The following KCND2 variants were observed in gnomAD, a reference collection of about 807,000 sequenced individuals.
The protein encoded by KCND2 is potassium voltage-gated channel subfamily D member 2, also known as A-type voltage-gated potassium channel KCND2.
A neutral mutation model predicts 54.4 loss-of-function variants in KCND2; 16 were observed. The ratio of observed to expected loss-of-function variants is 0.29; its 90% CI spans 0.20 to 0.45. The LOEUF (loss-of-function observed/expected upper bound fraction) is 0.45, where lower values mean the gene tolerates loss of function less well. Among genes scored for constraint, KCND2 ranks in the 20% least tolerant of loss-of-function variants. KCND2 has a pLI of 1.00. For synonymous variants in KCND2, 317 were observed against 310.7 expected (o/e 1.02, Z -0.21); for missense variants, 486 against 824.2 (o/e 0.59, Z 5.02).
At chr7:120,296,750 A>C (rs1483753524) in intron 1 of KCND2, among the ~76,000 whole-genome samples, 1 of 152,108 alleles carries the variant, frequency 6.6e-6, no homozygotes, top group Non-Finnish European at 1.5e-5. Flanking sequence ...CATTTGAAAT[A>C]GTCATTGGAT....
At chr7:120,517,145 A>G (rs1240348950) in intron 1 of KCND2, among the ~76,000 whole-genome samples, 2 of 152,082 alleles carry the variant, frequency 1.3e-5, no homozygotes, top group African/African-American at 4.8e-5. Context: ...CTCATTGTAC[A>G]TTTAAAAAGC....
chr7:120,325,847 G>T (rs1799966587), intron 1 of KCND2, among the ~76,000 whole-genome samples: 1 of 152,062 alleles, frequency 6.6e-6, no homozygotes, highest in Non-Finnish European at 1.5e-5. Flanking sequence ...GCTATGTGGG[G>T]TCAAACTTGG....
chr7:120,568,224 G>A (rs1385827356), intron 1 of KCND2, among the ~76,000 whole-genome samples: 1 of 152,052 alleles, frequency 6.6e-6, no homozygotes, highest in East Asian at 1.9e-4. Context: ...CATGAAGACT[G>A]CTGTATATTA....
intron 1 of KCND2, among the ~76,000 whole-genome samples, chr7:120,499,460 CTG>C (rs1376851181): frequency 6.6e-6 from 1 of 152,092 alleles, no homozygotes; most frequent in African/African-American, 2.4e-5. Flanking sequence ...ATTTTGTGCA[CTG>C]TGTTTGGGAT....
chr7:120,488,200 A>G (rs1335061044), intron 1 of KCND2, among the ~76,000 whole-genome samples: 1 of 152,180 alleles, frequency 6.6e-6, no homozygotes, highest in East Asian at 1.9e-4. Flanking sequence ...GTCTCAAAAA[A>G]TGAAGTTATT....
intron 1 of KCND2, among the ~76,000 whole-genome samples, chr7:120,328,917 C>T (rs1311185583): frequency 2.6e-5 from 4 of 152,068 alleles, no homozygotes; most frequent in Non-Finnish European, 4.4e-5. Flanking sequence ...ATGTTTTTAT[C>T]TCTCTAAAGT....
chr7:120,646,243 T>C (rs921832133), intron 1 of KCND2, among the ~76,000 whole-genome samples: 6 of 152,190 alleles, frequency 3.9e-5, no homozygotes, highest in Non-Finnish European at 8.8e-5. Context: ...TGAAAAACAT[T>C]CATCTCTGCA....
intron 1 of KCND2, among the ~76,000 whole-genome samples, chr7:120,646,698 G>A (rs1010470919): frequency 1.6e-4 from 24 of 152,222 alleles, no homozygotes; most frequent in Non-Finnish European, 2.9e-5. Flanking sequence ...TTAAAAAACT[G>A]TAAAGTAATA....
At chr7:120,567,910 TTCTC>T (rs1350337998) in intron 1 of KCND2, among the ~76,000 whole-genome samples, 3 of 152,118 alleles carry the variant, frequency 2.0e-5, no homozygotes, top group Admixed American at 1.3e-4. Flanking sequence ...TCTTTCATCT[TTCTC>T]TCTATTTAGA....
At chr7:120,672,516 T>C (rs572496869) in intron 1 of KCND2, among the ~76,000 whole-genome samples, 20 of 152,106 alleles carry the variant, frequency 1.3e-4, no homozygotes, top group Non-Finnish European at 1.9e-4. Context: ...CTGAAGTAGA[T>C]AGCTCTGTTA....
intron 1 of KCND2, among the ~76,000 whole-genome samples, chr7:120,435,051 G>A (rs1421999402): frequency 6.6e-6 from 1 of 151,650 alleles, no homozygotes; most frequent in Admixed American, 6.6e-5. Flanking sequence ...AACCTATCTT[G>A]CACATTTTAA....
At chr7:120,511,047 C>T (rs1803107233) in intron 1 of KCND2, among the ~76,000 whole-genome samples, 1 of 151,794 alleles carries the variant, frequency 6.6e-6, no homozygotes, top group Non-Finnish European at 1.5e-5. Context: ...CACACACACA[C>T]ACACACTTCT....
chr7:120,559,235 T>C (rs1207532165), intron 1 of KCND2, among the ~76,000 whole-genome samples: 1 of 152,210 alleles, frequency 6.6e-6, no homozygotes, highest in African/African-American at 2.4e-5. Context: ...TTTCTAATAA[T>C]TTTTCAAATG....
At chr7:120,618,016 G>A (rs1364958357) in intron 1 of KCND2, among the ~76,000 whole-genome samples, 1 of 149,852 alleles carries the variant, frequency 6.7e-6, no homozygotes, top group Non-Finnish European at 1.5e-5. Context: ...CTCAAACAGT[G>A]AGAGTAGGAA....
intron 1 of KCND2, among the ~76,000 whole-genome samples, chr7:120,618,773 A>G (rs2116497191): frequency 6.6e-6 from 1 of 152,358 alleles, no homozygotes; most frequent in Non-Finnish European, 1.5e-5. Flanking sequence ...AAATCAATTT[A>G]AAAACATATA....
At chr7:120,276,044 AAT>A (rs1236776396) in intron 1 of KCND2, among the ~76,000 whole-genome samples, 1 of 152,186 alleles carries the variant, frequency 6.6e-6, no homozygotes, top group African/African-American at 2.4e-5. Context: ...AATATATAAA[AAT>A]ATGACAATGA....
rs542600269 is a variant in KCND2, at chr7:120,282,616, A to G, written c.1115+6869A>G. On this transcript the variant is annotated intron_variant, in intron 1 of 5. Coordinates refer to ENST00000331113, the MANE Select transcript of KCND2 (RefSeq NM_012281.3). ...AATAATGGGAAAAAATAACATTGAA[A>G]GAGTAGGATGACAGTTGAGATAATG... 1.4e-3 allele frequency among the ~76,000 whole-genome samples: 209 copies of G among 152,270 alleles called. 1 individual carries two copies. Among genetic ancestry groups the G allele is most frequent in the African/African-American group, 4.8e-3 (199 of 41,554 alleles).
In KCND2 at chr7:120,274,332, T is replaced by G; in HGVS notation, c.-301T>G. The G allele has an allele frequency of 3.8e-6, 2 of 520,956 alleles. No homozygotes were observed. The highest frequency in any genetic ancestry group is 5.1e-4 in the Middle Eastern group (1 of 1,942). The allele number at this position is 520,956 out of a possible 1,614,324, so 32.3% of individuals were successfully genotyped here. On this transcript the variant is annotated 5_prime_UTR_variant, in exon 1 of 6. Coordinates refer to ENST00000331113, the MANE Select transcript of KCND2 (RefSeq NM_012281.3). ...GAAGAAACGGCTGCACCTGTGTGCTTATTTGTGCCAGAGGGTGGCCTAGCC... is the reference window on the plus strand; with the variant it reads ...GAAGAAACGGCTGCACCTGTGTGCTGATTTGTGCCAGAGGGTGGCCTAGCC...
At chr7:120,649,976 G>T (rs528498613) in intron 1 of KCND2, among the ~76,000 whole-genome samples, 1 of 152,114 alleles carries the variant, frequency 6.6e-6, no homozygotes, top group Non-Finnish European at 1.5e-5. Context: ...AGTTTCTGCC[G>T]AGAGATCCGC....
Sources: gnomAD v4.1 joint callset for allele counts (sites outside exome capture counted in the v4.1 genomes callset) on GRCh38, gnomAD v4.1.1 for gene constraint, MANE v1.5 for transcripts, NCBI Gene and HGNC (gene_info 2026-07-23, HGNC 2026-07-21) for gene names.